The following KCNA3 variants were observed in gnomAD, a reference collection of about 807,000 sequenced individuals.
The protein encoded by KCNA3 is RP11-284N8.3.
In KCNA3, 18 loss-of-function variants were observed where a neutral mutation model predicts 34.3. The observed-to-expected ratio is 0.52, with a 90% CI of 0.36 to 0.78. The LOEUF (loss-of-function observed/expected upper bound fraction) is 0.78, where lower values mean the gene tolerates loss of function less well. KCNA3 is among the 30% of genes least tolerant of loss of function. KCNA3 has a pLI of 0.00. For missense variants in KCNA3, 587 were observed against 802.5 expected (o/e 0.73, Z 3.24); for synonymous variants, 324 against 351.7 (o/e 0.92, Z 0.88).
Position 110,674,063 on chromosome 1 carries a change from G to A in KCNA3, c.747C>T (p.Val249=), listed in dbSNP as rs1476733113. ...VSVLVILISI[V]IFCLETLPEF... The stretch of plus-strand genomic sequence containing the variant: ...CCGGCAGCGTCTCCAGGCAGAAGAT[G>A]ACAATGGAGATGAGGATGACCAGCA... Residue 249 remains valine, a synonymous_variant, in exon 1 of 1, where the codon GTC becomes GTT. Transcript: ENST00000369769. This position sits in a 1 kb window ranked among gnomAD's most constrained non-coding sequence, Gnocchi z 6.4. The A allele has an allele frequency of 1.1e-5, 18 of 1,608,560 alleles. No homozygotes were observed. The highest frequency in any genetic ancestry group is 1.5e-5 in the Non-Finnish European group (18 of 1,177,048).
the KCNA3 span, chr1:110,654,236 T>C: frequency 6.6e-6 from 1 of 152,352 alleles, no homozygotes; most frequent in African/African-American, 2.4e-5. Context: ...TTAGTAATAT[T>C]GTTATCTAAC....
chr1:110,673,292 C>T lies in KCNA3; in HGVS notation c.1518G>A (p.Gln506=). The T allele has an allele frequency of 6.2e-7, 1 of 1,614,030 alleles. No homozygotes were observed. The highest frequency in any genetic ancestry group is 8.5e-7 in the Non-Finnish European group (1 of 1,180,012). Residue 506 remains glutamine, a synonymous_variant, in exon 1 of 1, where the codon CAG becomes CAA. Coordinates refer to ENST00000369769, the MANE Select transcript of KCNA3 (RefSeq NM_002232.5). This position sits in a 1 kb window ranked among gnomAD's most constrained non-coding sequence, Gnocchi z 8.8. ...QSQYMHVGSC[Q]HLSSSAEELR... ...GCTCCTCGGCTGAAGAGGAGAGGTGCTGGCAACTTCCCACGTGCATGTACT... is the reference window on the plus strand; with the variant it reads ...GCTCCTCGGCTGAAGAGGAGAGGTGTTGGCAACTTCCCACGTGCATGTACT...
the KCNA3 span, among the ~76,000 whole-genome samples, chr1:110,661,628 C>A: frequency 1.3e-5 from 2 of 152,120 alleles, no homozygotes; most frequent in African/African-American, 4.8e-5. Flanking sequence ...TCTTGTCTTG[C>A]TGCTGTTACA....
At chr1:110,661,501 T>A in the KCNA3 span, among the ~76,000 whole-genome samples, 1 of 152,194 alleles carries the variant, frequency 6.6e-6, no homozygotes, top group Non-Finnish European at 1.5e-5. Context: ...TGACTACTAA[T>A]CATAAGAAAT....
At chr1:110,669,711 A>G (rs908425346), downstream of KCNA3, among the ~76,000 whole-genome samples, 1 of 152,218 alleles carries the variant, frequency 6.6e-6, no homozygotes, top group African/African-American at 2.4e-5. Context: ...TCTTAGGGAA[A>G]TCACTTAACT....
At chr1:110,669,750 A>T (rs1000661484), downstream of KCNA3, among the ~76,000 whole-genome samples, 6 of 152,192 alleles carry the variant, frequency 3.9e-5, no homozygotes, top group East Asian at 1.2e-3. Flanking sequence ...CCCTCCTAAA[A>T]TGAGGTTAAT....
chr1:110,672,800 G>T lies in KCNA3; in HGVS notation c.*282C>A. 1 of 348,594 alleles carries T rather than the reference G, an allele frequency of 2.9e-6. No individual in the cohort carries two copies. The highest frequency in any genetic ancestry group is 7.5e-5 in the South Asian group (1 of 13,332). 21.6% of individuals were successfully genotyped at this position (348,594 alleles called of 1,614,324 possible). A position where few individuals can be genotyped will look rare whatever the true frequency, so the allele number is the denominator to read the frequency against. On this transcript the variant is annotated 3_prime_UTR_variant, in exon 1 of 1. Coordinates refer to ENST00000369769, the MANE Select transcript of KCNA3 (RefSeq NM_002232.5). ...AGGATGTACTGCTCTTTTTTAAATA[G>T]GGCGTGTACTAGAAATGAAGTTTAA...
chr1:110,668,943 A>G (rs1272263255), downstream of KCNA3, among the ~76,000 whole-genome samples: 1 of 152,330 alleles, frequency 6.6e-6, no homozygotes, highest in Admixed American at 6.5e-5. Context: ...TCTAAGCCCA[A>G]ATCATTATCC....
chr1:110,664,195 G>C, the KCNA3 span, among the ~76,000 whole-genome samples: 1 of 152,166 alleles, frequency 6.6e-6, no homozygotes, highest in Non-Finnish European at 1.5e-5. Flanking sequence ...TGTTCGTTCT[G>C]ATTTTGCTGT....
Position 110,674,723 on chromosome 1 carries a change from G to A in KCNA3, c.87C>T (p.Ser29=). 2 of 1,450,234 alleles carry A rather than the reference G, an allele frequency of 1.4e-6. No homozygotes were observed. Among genetic ancestry groups the A allele is most frequent in the East Asian group, 2.8e-5 (1 of 35,122 alleles). The allele number at this position is 1,450,234 out of a possible 1,614,324, so 89.8% of individuals were successfully genotyped here. The part of the protein sequence containing the change: ...RAHPPQRPAS[S]GGAHTLVNHG... ...GGTTCACCAGCGTGTGGGCACCGCC[G>A]CTGCTCGCTGGGCGCTGAGGAGGGT... The change falls in exon 1 of 1, where the codon AGC becomes AGT. Residue 29 remains serine, a synonymous_variant. Transcript: ENST00000369769. The surrounding 1 kb of genome is among the most constrained non-coding windows in gnomAD (Gnocchi z 6.4).
In KCNA3 at chr1:110,674,007, G is replaced by A. The variant is rs1403991905; in HGVS notation, c.803C>T (p.Ser268Leu). ...EFRDEKDYPA[S>L]TSQDSFEAAG... ...TGCTTCGAATGAGTCCTGCGACGTC[G>A]AGGCGGGGTAGTCCTTCTCGTCGCG... Residue 268 changes from serine to leucine, a missense_variant, in exon 1 of 1, where the codon TCG (serine) becomes TTG (leucine). This residue lies in a region of KCNA3 where 50 missense variants were observed against 45.3 expected (regional missense o/e 1.10). Transcript: ENST00000369769. This position sits in a 1 kb window ranked among gnomAD's most constrained non-coding sequence, Gnocchi z 6.4. 1.2e-6 allele frequency: 2 copies of A among 1,612,810 alleles called. No homozygotes were observed. The highest frequency in any genetic ancestry group is 4.5e-5 in the East Asian group (2 of 44,848).
the KCNA3 span, among the ~76,000 whole-genome samples, chr1:110,659,861 CACTT>C: frequency 6.7e-6 from 1 of 148,198 alleles, no homozygotes; most frequent in Non-Finnish European, 1.5e-5. Flanking sequence ...CGCATGTTCT[CACTT>C]ACAGGTGGGA....
downstream of KCNA3, among the ~76,000 whole-genome samples, chr1:110,670,384 G>A (rs548622668): frequency 7.9e-5 from 12 of 152,026 alleles, no homozygotes; most frequent in Non-Finnish European, 1.2e-4. Context: ...AAGAACAAAG[G>A]CCCCCTTTAA....
Position 110,674,888 on chromosome 1 carries a change from G to C in KCNA3, c.-79C>G. On this transcript the variant is annotated 5_prime_UTR_variant, in exon 1 of 1. Coordinates refer to ENST00000369769, the MANE Select transcript of KCNA3 (RefSeq NM_002232.5). This position sits in a 1 kb window ranked among gnomAD's most constrained non-coding sequence, Gnocchi z 6.4. ...CCGCCCTTTCGCCGCCTCCGCCCCC[G>C]AGCCGAGCCCACCGCCTGTTGCAGC... 1.6e-6 allele frequency: 2 copies of C among 1,269,702 alleles called. No homozygotes were observed. Among genetic ancestry groups the C allele is most frequent in the African/African-American group, 1.6e-5 (1 of 64,356 alleles). The allele number at this position is 1,269,702 out of a possible 1,614,324, so 78.7% of individuals were successfully genotyped here.
At chr1:110,655,477 A>G in the KCNA3 span, 10 of 152,138 alleles carry the variant, frequency 6.6e-5, no homozygotes, top group Admixed American at 2.0e-4. Flanking sequence ...GTATTAACAC[A>G]ATATGCTAGA....
chr1:110,659,489 T>C, the KCNA3 span, among the ~76,000 whole-genome samples: 1 of 152,190 alleles, frequency 6.6e-6, no homozygotes, highest in Non-Finnish European at 1.5e-5. Context: ...ATCAGTGATA[T>C]AACTGCTACT....
the KCNA3 span, chr1:110,656,914 T>A: frequency 9.9e-5 from 15 of 152,182 alleles, no homozygotes; most frequent in Non-Finnish European, 1.9e-4. Flanking sequence ...CAGTGAAAAT[T>A]CTAAGGAGAA....
At chr1:110,655,264 A>G in the KCNA3 span, 2 of 152,078 alleles carry the variant, frequency 1.3e-5, no homozygotes, top group Non-Finnish European at 2.9e-5. Flanking sequence ...GTGAAAAAAG[A>G]GAATATTCTT....
Position 110,674,579 on chromosome 1 carries a change from G to T in KCNA3, c.231C>A (p.Gly77=). 1.3e-6 allele frequency: 2 copies of T among 1,573,226 alleles called. No homozygotes were observed. The highest frequency in any genetic ancestry group is 1.7e-6 in the Non-Finnish European group (2 of 1,162,326). ...AGCGGTCGCAGCCGCCGCCGCCACA[G>T]CCGCCTTGAGGCGGGGCCCCTCCAC... ...ADGGGAPPQG[G]CGGGGCDRYE... is the part of the protein sequence containing the mutation. The change falls in exon 1 of 1, where the codon GGC becomes GGA. Residue 77 remains glycine (G), a synonymous_variant. Coordinates refer to ENST00000369769, the MANE Select transcript of KCNA3 (RefSeq NM_002232.5). This position sits in a 1 kb window ranked among gnomAD's most constrained non-coding sequence, Gnocchi z 6.4.
Sources: gnomAD v4.1 joint callset for allele counts (sites outside exome capture counted in the v4.1 genomes callset) on GRCh38, gnomAD v4.1.1 for gene constraint, gnomAD v4.1.1 regional missense constraint, Gnocchi (gnomAD v3.1) non-coding constraint, MANE v1.5 for transcripts, NCBI Gene and HGNC (gene_info 2026-07-23, HGNC 2026-07-21) for gene names.